CSMD1: variants seen among roughly 807,000 people sequenced by gnomAD.
CSMD1 encodes CUB and Sushi multiple domains 1, also known as CUB and sushi domain-containing protein 1.
Under a neutral mutation model 417.5 loss-of-function variants are expected in CSMD1, and 213 were observed. The observed-to-expected ratio is 0.51, with a 90% CI of 0.46 to 0.57. The LOEUF is 0.57. Ranked by LOEUF, CSMD1 falls within the 20% of genes least tolerant of loss-of-function variation. The pLI is 0.00. For synonymous variants in CSMD1, 2,862 were observed against 1,736.8 expected, an observed-to-expected ratio of 1.65 and a Z score of -16.11; for missense variants, 6,923 against 4,529.7, an observed-to-expected ratio of 1.53 and a Z score of -15.17.
intron 3 of CSMD1, among the ~76,000 whole-genome samples, chr8:4,042,548 A>G (rs1797943743): frequency 1.3e-5 from 2 of 152,132 alleles, no homozygotes. Flanking sequence ...GAATATTAAA[A>G]TGAGTCATTC....
intron 2 of CSMD1, among the ~76,000 whole-genome samples, chr8:4,513,724 C>A (rs1429118151): frequency 1.3e-5 from 2 of 152,184 alleles, no homozygotes; most frequent in African/African-American, 4.8e-5. Flanking sequence ...CAGATACACA[C>A]ACATAAACTT....
chr8:4,545,427 A>G (rs1014432190), intron 2 of CSMD1, among the ~76,000 whole-genome samples: 15 of 152,230 alleles, frequency 9.9e-5, no homozygotes, highest in Non-Finnish European at 4.4e-5. Context: ...TAAGAGTCCT[A>G]CATATTAGGA....
intron 3 of CSMD1, among the ~76,000 whole-genome samples, chr8:4,090,057 A>G (rs1012666656): frequency 1.3e-5 from 2 of 152,230 alleles, no homozygotes; most frequent in African/African-American, 4.8e-5. Context: ...TAGGACATGT[A>G]AATTTTCGAA....
At chr8:4,354,290 C>G (rs1801269338) in intron 3 of CSMD1, among the ~76,000 whole-genome samples, 1 of 152,112 alleles carries the variant, frequency 6.6e-6, no homozygotes, top group Non-Finnish European at 1.5e-5. Context: ...AACCAAGTTA[C>G]TCAGTATTAT....
intron 3 of CSMD1, among the ~76,000 whole-genome samples, chr8:4,301,309 C>G (rs77594168): frequency 6.6e-6 from 1 of 152,210 alleles, no homozygotes; most frequent in Non-Finnish European, 1.5e-5. Context: ...CCCAAAATAC[C>G]AGTGCCATGA....
intron 31 of CSMD1, among the ~76,000 whole-genome samples, chr8:3,203,172 G>C (rs1169086397): frequency 6.6e-6 from 1 of 152,176 alleles, no homozygotes; most frequent in Admixed American, 6.5e-5. Flanking sequence ...CATGGTCTTA[G>C]GACTATCATG....
intron 50 of CSMD1, among the ~76,000 whole-genome samples, chr8:3,042,060 C>T (rs969675560): frequency 1.3e-5 from 2 of 152,206 alleles, no homozygotes; most frequent in African/African-American, 4.8e-5. Context: ...AAGCCTCCCT[C>T]ATCATCACAC....
rs188754931 is a variant in CSMD1, at chr8:4,094,755, G to C, written c.416-62656C>G. On this transcript the variant is annotated intron_variant, in intron 3 of 69. Transcript: ENST00000635120. ...CTTCTCCATTCAGACAAATGATGGA[G>C]GTGAGATGCTGAGCTAACACTGCGC... Among the ~76,000 whole-genome samples the C allele has an allele frequency of 6.6e-5, 10 of 152,288 alleles. 1 individual carries two copies. In the East Asian group the frequency reaches 1.9e-3, roughly 29 times the overall value.
chr8:4,156,136 G>A (rs969531017), intron 3 of CSMD1, among the ~76,000 whole-genome samples: 1 of 152,176 alleles, frequency 6.6e-6, no homozygotes, highest in Non-Finnish European at 1.5e-5. Context: ...GAGTCCCTCT[G>A]CCTCACACCA....
In CSMD1 at chr8:4,971,525, T is replaced by C. The variant is rs576095753; in HGVS notation, c.85+22807A>G. 3.9e-5 allele frequency among the ~76,000 whole-genome samples: 6 copies of C among 152,158 alleles called. No individual in the cohort carries two copies. In the South Asian group the frequency reaches 6.2e-4, roughly 16 times the overall value. On this transcript the variant is annotated intron_variant, in intron 1 of 69. Transcript: ENST00000635120. ...TAAGGAAATGATGAAGAATTTATTT[T>C]TATCTGACATAATTTCTTGAGTTTT...
Position 3,308,196 on chromosome 8 carries a change from C to A in CSMD1, c.3823+116G>T, listed in dbSNP as rs1354203161. The A allele has an allele frequency of 7.6e-6, 6 of 787,048 alleles. No homozygotes were observed. In the Admixed American group the frequency reaches 1.4e-4, roughly 18 times the overall value. The allele number at this position is 787,048 out of a possible 1,614,324, so 48.8% of individuals were successfully genotyped here. A position where few individuals can be genotyped will look rare whatever the true frequency, so the allele number is the denominator to read the frequency against. On this transcript the variant is annotated intron_variant, in intron 24 of 69. Transcript: ENST00000635120. ...CAAATCTCAGAATACATAAAACTCA[C>A]ACTGGAAAGTGTGATAAAATTCCTC...
intron 1 of CSMD1, among the ~76,000 whole-genome samples, chr8:4,731,908 T>C (rs939452752): frequency 3.3e-5 from 5 of 152,076 alleles, no homozygotes; most frequent in African/African-American, 1.2e-4. Flanking sequence ...TACATTCTTA[T>C]AGGGCCAAAG....
intron 20 of CSMD1, among the ~76,000 whole-genome samples, chr8:3,366,679 C>T (rs1809587273): frequency 6.6e-6 from 1 of 152,118 alleles, no homozygotes; most frequent in African/African-American, 2.4e-5. Context: ...ACAACAGACC[C>T]AGAGGATGCC....
chr8:4,913,116 G>A (rs1034358326), intron 1 of CSMD1, among the ~76,000 whole-genome samples: 1 of 152,110 alleles, frequency 6.6e-6, no homozygotes, highest in Non-Finnish European at 1.5e-5. Context: ...AAAAAATCGT[G>A]AGGGATCACA....
chr8:4,900,183 A>C (rs1018848350), intron 1 of CSMD1, among the ~76,000 whole-genome samples: 6 of 152,036 alleles, frequency 3.9e-5, no homozygotes, highest in Non-Finnish European at 7.4e-5. Flanking sequence ...TCAAGTCCCA[A>C]AGTGACAGGG....
intron 6 of CSMD1, among the ~76,000 whole-genome samples, chr8:3,715,446 G>A (rs1801777146): frequency 6.6e-6 from 1 of 152,130 alleles, no homozygotes; most frequent in African/African-American, 2.4e-5. Context: ...TCTTCTGCAT[G>A]ATCATTTTTT....
intron 3 of CSMD1, among the ~76,000 whole-genome samples, chr8:4,056,998 G>A (rs1031369731): frequency 1.2e-4 from 18 of 152,270 alleles, no homozygotes; most frequent in East Asian, 5.8e-4. Flanking sequence ...ATAAACATAC[G>A]TGTGCATGTG....
intron 7 of CSMD1, among the ~76,000 whole-genome samples, chr8:3,701,475 G>C (rs974873512): frequency 1.3e-5 from 2 of 151,150 alleles, no homozygotes; most frequent in African/African-American, 2.4e-5. Context: ...GCTGACATGA[G>C]GGCAAAAGAC....
At chr8:3,602,613 A>T (rs571319095) in intron 8 of CSMD1, among the ~76,000 whole-genome samples, 1 of 152,126 alleles carries the variant, frequency 6.6e-6, no homozygotes, top group Non-Finnish European at 1.5e-5. Context: ...TCTAAAGTAG[A>T]ATATGGCAAA....
Sources: gnomAD v4.1 joint callset for allele counts (sites outside exome capture counted in the v4.1 genomes callset) on GRCh38, gnomAD v4.1.1 for gene constraint, MANE v1.5 for transcripts, NCBI Gene and HGNC (gene_info 2026-07-23, HGNC 2026-07-21) for gene names.